The following HES7 variants were observed in gnomAD, a reference collection of about 807,000 sequenced individuals.
HES7 encodes hes family bHLH transcription factor 7, also known as transcription factor HES-7.
In HES7, 8 loss-of-function variants were observed where a neutral mutation model predicts 18.0. That is an observed-to-expected ratio of 0.45 (90% CI 0.26 to 0.80). The LOEUF (loss-of-function observed/expected upper bound fraction) is 0.80. Ranked by LOEUF, HES7 falls within the 30% of genes least tolerant of loss-of-function variation. The pLI is 0.18. For synonymous variants in HES7, 170 were observed against 158.6 expected (o/e 1.07, Z -0.54); for missense variants, 356 against 340.9 (o/e 1.04, Z -0.35).
At chr17:8,125,767 A>G (rs753569064), upstream of HES7, among the ~76,000 whole-genome samples, 3 of 152,126 alleles carry the variant, frequency 2.0e-5, no homozygotes. Flanking sequence ...TCAGTGGTAG[A>G]ATTCTCGCCT....
upstream of HES7, among the ~76,000 whole-genome samples, chr17:8,125,674 A>C (rs1032347742): frequency 6.6e-6 from 1 of 151,962 alleles, no homozygotes; most frequent in Non-Finnish European, 1.5e-5. Context: ...CCTGGCCTAC[A>C]CCGTTGCCTG....
Position 8,121,824 on chromosome 17 carries a change from G to C in HES7, c.440C>G (p.Ala147Gly), listed in dbSNP as rs761682136. 12 of 1,569,446 alleles carry C rather than the reference G, an allele frequency of 7.6e-6. No homozygotes were observed. In the East Asian group the frequency reaches 1.9e-4, roughly 25 times the overall value. ...RPKPVDPRPP[A>G]PRPSLDPAAP... ...GGCGGGGTCCAGGGATGGGCGCGGCGCTGGAGGCCTCGGATCTACCGGCTT... is the reference window on the plus strand; with the variant it reads ...GGCGGGGTCCAGGGATGGGCGCGGCCCTGGAGGCCTCGGATCTACCGGCTT... The change falls in exon 4 of 4, where the codon GCG (alanine) becomes GGG (glycine). Residue 147 changes from alanine (A) to glycine (G), a missense_variant. By Grantham distance (60) the Ala-to-Gly change is moderately conservative. Coordinates refer to ENST00000541682, the MANE Select transcript of HES7 (RefSeq NM_001165967.2).
chr17:8,125,263 C>A (rs533222100), upstream of HES7, among the ~76,000 whole-genome samples: 10 of 152,232 alleles, frequency 6.6e-5, no homozygotes, highest in Admixed American at 3.9e-4. Flanking sequence ...AATCAGAGAC[C>A]AATGGGGTTT....
In HES7 at chr17:8,122,327, CA is replaced by C; in HGVS notation, c.226+15del. ...TCCCCCCTCCCTCCCTCCGCTGCCC[CA>C]CCCCCGCGCTGTACCCGGGGGCTCC... On this transcript the variant is annotated intron_variant, in intron 3 of 3. Transcript: ENST00000541682. This position sits in a 1 kb window ranked among gnomAD's most constrained non-coding sequence, Gnocchi z 6.9. 6.4e-7 allele frequency: 1 copy of C among 1,565,454 alleles called. No homozygotes were observed. Among genetic ancestry groups the C allele is most frequent in the Non-Finnish European group, 8.7e-7 (1 of 1,152,830 alleles).
At position 8,122,769 on chromosome 17, in the gene HES7, T is replaced by C. The variant is rs1981426010; in HGVS notation, c.138+262A>G. Reference sequence around the variant, plus strand: ...TGTGGGGGAGGGGGAACCGGACACTTAGAGACCCAAAGGGTGAAACTGACC... The same window carrying C: ...TGTGGGGGAGGGGGAACCGGACACTCAGAGACCCAAAGGGTGAAACTGACC... On this transcript the variant is annotated intron_variant, in intron 2 of 3. Coordinates refer to ENST00000541682, the MANE Select transcript of HES7 (RefSeq NM_001165967.2). This position sits in a 1 kb window ranked among gnomAD's most constrained non-coding sequence, Gnocchi z 6.9. Among the ~76,000 whole-genome samples the C allele has an allele frequency of 6.6e-6, 1 of 151,826 alleles. No individual in the cohort carries two copies. The highest frequency in any genetic ancestry group is 1.5e-5 in the Non-Finnish European group (1 of 67,914).
At chr17:8,126,084 G>A (rs536918122), upstream of HES7, among the ~76,000 whole-genome samples, 1 of 151,310 alleles carries the variant, frequency 6.6e-6, no homozygotes, top group South Asian at 2.1e-4. Flanking sequence ...CACAGTGCTC[G>A]GATCTCGGCC....
rs1257171839 is a variant in HES7, at chr17:8,123,157, G to A, written c.43-31C>T. ...ACCAGCGAGAAAAGGAGAGCGGGCC[G>A]ACCAGACCGAGACTCAGTGCGGCCG... On this transcript the variant is annotated intron_variant, in intron 1 of 3. Transcript: ENST00000541682. This position sits in a 1 kb window ranked among gnomAD's most constrained non-coding sequence, Gnocchi z 5.9. 4 of 1,549,038 alleles carry A rather than the reference G, an allele frequency of 2.6e-6. No homozygotes were observed. Among genetic ancestry groups the A allele is most frequent in the Non-Finnish European group, 3.5e-6 (4 of 1,138,960 alleles).
In HES7 at chr17:8,122,443, G is replaced by A; in HGVS notation, c.139-13C>T. 1.3e-6 allele frequency: 2 copies of A among 1,558,208 alleles called. No homozygotes were observed. The highest frequency in any genetic ancestry group is 1.2e-5 in the South Asian group (1 of 85,008). On this transcript the variant is annotated splice_polypyrimidine_tract_variant and intron_variant, in intron 2 of 3. Transcript: ENST00000541682. This position sits in a 1 kb window ranked among gnomAD's most constrained non-coding sequence, Gnocchi z 6.9. Reference sequence around the variant, plus strand: ...GGTTCCGGAGGTTCTACAGACGGGAGGGGAGGGCGCAGAGACAGAAAGGGG... The same window carrying A: ...GGTTCCGGAGGTTCTACAGACGGGAAGGGAGGGCGCAGAGACAGAAAGGGG...
rs1365872958 is a variant in HES7 at position 8,122,933 on chromosome 17, C to A, written c.138+98G>T. The A allele has an allele frequency of 1.1e-6, 1 of 937,590 alleles. No homozygotes were observed. Among genetic ancestry groups the A allele is most frequent in the Non-Finnish European group, 1.7e-6 (1 of 587,154 alleles). The allele number at this position is 937,590 out of a possible 1,614,324, so 58.1% of individuals were successfully genotyped here. On this transcript the variant is annotated intron_variant, in intron 2 of 3. Coordinates refer to ENST00000541682, the MANE Select transcript of HES7 (RefSeq NM_001165967.2). The surrounding 1 kb of genome is among the most constrained non-coding windows in gnomAD (Gnocchi z 6.9). ...GGACTCGGGTGAGGATGCCTTGGGGCCAGGGTTGCCAACCAAGCTTGTGTC... is the reference window on the plus strand; with the variant it reads ...GGACTCGGGTGAGGATGCCTTGGGGACAGGGTTGCCAACCAAGCTTGTGTC...
At position 8,123,284 on chromosome 17, in the gene HES7, C is replaced by T; in HGVS notation, c.43-158G>A. 1.5e-6 allele frequency: 1 copy of T among 646,636 alleles called. No individual in the cohort carries two copies. Among genetic ancestry groups the T allele is most frequent in the Non-Finnish European group, 2.8e-6 (1 of 356,396 alleles). The allele number at this position is 646,636 out of a possible 1,614,324, so 40.1% of individuals were successfully genotyped here. ...CCCCATTCGATCCCTCTCCGCTCCCCCTCCCAATGCCCCTAGATCAGTTTC... is the reference window on the plus strand; with the variant it reads ...CCCCATTCGATCCCTCTCCGCTCCCTCTCCCAATGCCCCTAGATCAGTTTC... On this transcript the variant is annotated intron_variant, in intron 1 of 3. Transcript: ENST00000541682. The surrounding 1 kb of genome is among the most constrained non-coding windows in gnomAD (Gnocchi z 5.9).
rs934270019 is a variant in HES7, at chr17:8,121,013, A to T, written c.*558T>A. ...GTGGGTTCGAATCCCACCAGAGTCG[A>T]TTTTATTTCAATTTTTCCTTTTTAT... On this transcript the variant is annotated 3_prime_UTR_variant, in exon 4 of 4. Coordinates refer to ENST00000541682, the MANE Select transcript of HES7 (RefSeq NM_001165967.2). The T allele has an allele frequency of 6.6e-6, 1 of 152,670 alleles. No individual in the cohort carries two copies. Among genetic ancestry groups the T allele is most frequent in the Non-Finnish European group, 1.5e-5 (1 of 68,072 alleles). The allele number at this position is 152,670 out of a possible 1,614,324, so 9.5% of individuals were successfully genotyped here.
In HES7 at chr17:8,121,624, C is replaced by A; in HGVS notation, c.640G>T (p.Ala214Ser). 1 of 1,312,718 alleles carries A rather than the reference C, an allele frequency of 7.6e-7. No homozygotes were observed. The highest frequency in any genetic ancestry group is 9.6e-7 in the Non-Finnish European group (1 of 1,038,508). 81.3% of individuals were successfully genotyped at this position (1,312,718 alleles called of 1,614,324 possible). A position where few individuals can be genotyped will look rare whatever the true frequency, so the allele number is the denominator to read the frequency against. The part of the protein sequence containing the change: ...PPPPPHRQDG[A>S]PKAPLPPPPA... ...GGCGGGGGCAGCGGGGCCTTGGGCG[C>A]CCCGTCTTGTCTGTGAGGCGGCGGT... The change falls in exon 4 of 4, where the codon GCG becomes TCG. Residue 214 changes from alanine to serine, a missense_variant. Transcript: ENST00000541682.
upstream of HES7, among the ~76,000 whole-genome samples, chr17:8,125,066 C>CA (rs1981542968): frequency 1.3e-5 from 2 of 151,982 alleles, no homozygotes; most frequent in Middle Eastern, 3.4e-3. Flanking sequence ...GCAAGGGGTA[C>CA]AAAAAAGGGA....
At position 8,121,713 on chromosome 17, in the gene HES7, A is replaced by T; in HGVS notation, c.551T>A (p.Leu184His). ...PSPRCAWSPSLCSPRAGDSGA... is the reference protein window; with the variant it reads ...PSPRCAWSPSHCSPRAGDSGA... The stretch of plus-strand genomic sequence containing the variant: ...AGAATCCCCGGCGCGCGGGGAGCAG[A>T]GGGATGGGGACCATGCGCAGCGCGG... The change falls in exon 4 of 4, where the codon CTC (leucine) becomes CAC (histidine). Residue 184 changes from leucine (L) to histidine (H), a missense_variant. Physicochemically the swap from Leu to His is moderately conservative, Grantham distance 99. Transcript: ENST00000541682. 1.5e-6 allele frequency: 2 copies of T among 1,363,784 alleles called. No homozygotes were observed. The highest frequency in any genetic ancestry group is 1.9e-6 in the Non-Finnish European group (2 of 1,067,056). 84.5% of individuals were successfully genotyped at this position (1,363,784 alleles called of 1,614,324 possible). A position where few individuals can be genotyped will look rare whatever the true frequency, so the allele number is the denominator to read the frequency against.
rs750181156 is a variant in HES7, at chr17:8,123,110, A to G, written c.59T>C (p.Val20Ala). 1 of 1,607,126 alleles carries G rather than the reference A, an allele frequency of 6.2e-7. No homozygotes were observed. Among genetic ancestry groups the G allele is most frequent in the East Asian group, 2.2e-5 (1 of 44,620 alleles). ...RDGPKMLKPL[V>A]EKRRRDRINR... is the part of the protein sequence containing the mutation. ...GATGCGGTCCCGGCGCCGCTTCTCC[A>G]CAAGCGGCTTGAGCATCTGCGACCA... Residue 20 changes from valine (V) to alanine (A), a missense_variant, in exon 2 of 4, where the codon GTG becomes GCG. Coordinates refer to ENST00000541682, the MANE Select transcript of HES7 (RefSeq NM_001165967.2). The surrounding 1 kb of genome is among the most constrained non-coding windows in gnomAD (Gnocchi z 5.9).
rs901930894 is a variant in HES7 at position 8,122,053 on chromosome 17, G to A, written c.227-16C>T. The stretch of plus-strand genomic sequence containing the variant: ...GCCGCGGCGGCTGGTGCGGCCGGCG[G>A]GAGCACAGGTGGGCAGGGCAGGGGC... On this transcript the variant is annotated splice_polypyrimidine_tract_variant and intron_variant, in intron 3 of 3. Transcript: ENST00000541682. This position sits in a 1 kb window ranked among gnomAD's most constrained non-coding sequence, Gnocchi z 6.9. 11 of 1,494,786 alleles carry A rather than the reference G, an allele frequency of 7.4e-6. No homozygotes were observed. The East Asian group carries it at 1.6e-4, about 21-fold the overall frequency. 92.6% of individuals were successfully genotyped at this position (1,494,786 alleles called of 1,614,324 possible).
chr17:8,124,149 A>G, upstream of HES7: 2 of 1,603,296 alleles, frequency 1.2e-6, no homozygotes, highest in Non-Finnish European at 1.7e-6. Flanking sequence ...CCGCGGCCCA[A>G]GGGTAGGAGG....
rs898251354 is a variant in HES7 at position 8,122,518 on chromosome 17, G to C, written c.139-88C>G. ...GGGGGAAGAAGGGAGGGACGGATGC[G>C]GGAGCTGGTGGTGCCCCCGATCGCA... On this transcript the variant is annotated intron_variant, in intron 2 of 3. Coordinates refer to ENST00000541682, the MANE Select transcript of HES7 (RefSeq NM_001165967.2). The surrounding 1 kb of genome is among the most constrained non-coding windows in gnomAD (Gnocchi z 6.9). 4.4e-6 allele frequency: 4 copies of C among 916,842 alleles called. No homozygotes were observed. The highest frequency in any genetic ancestry group is 6.9e-6 in the Non-Finnish European group (4 of 577,932). The allele number at this position is 916,842 out of a possible 1,614,324, so 56.8% of individuals were successfully genotyped here. A position where few individuals can be genotyped will look rare whatever the true frequency, so the allele number is the denominator to read the frequency against.
chr17:8,124,327 T>G (rs545734619), upstream of HES7, among the ~76,000 whole-genome samples: 98 of 152,070 alleles, frequency 6.4e-4, no homozygotes, highest in African/African-American at 2.2e-3. Flanking sequence ...TTACAGACCG[T>G]AAGGCTGTAT....
Sources: allele counts gnomAD v4.1 joint callset (sites outside exome capture counted in the v4.1 genomes callset), GRCh38; gene constraint gnomAD v4.1.1; non-coding constraint Gnocchi (gnomAD v3.1); transcripts MANE v1.5; gene names NCBI Gene and HGNC (gene_info 2026-07-23, HGNC 2026-07-21).